RAD54B: variants seen among roughly 807,000 people sequenced by gnomAD.
RAD54B encodes RAD54 homolog B, also known as DNA repair and recombination protein RAD54B.
RAD54B carries 78 observed loss-of-function variants against 95.8 expected under a neutral mutation model. That is an observed-to-expected ratio of 0.81 (90% confidence interval 0.68 to 0.98). The LOEUF is 0.98. Ranked by LOEUF, RAD54B falls within the 50% of genes least tolerant of loss-of-function variation. The pLI, the probability that RAD54B is intolerant of heterozygous loss-of-function variation, is 0.00. For missense variants in RAD54B, 957 were observed against 1,056.6 expected, an observed-to-expected ratio of 0.91 and a Z score of 1.31; for synonymous variants, 328 against 354.9, an observed-to-expected ratio of 0.92 and a Z score of 0.85.
chr8:94,390,725 A>C (rs1810998236), intron 10 of RAD54B, among the ~76,000 whole-genome samples: 1 of 151,828 alleles, frequency 6.6e-6, no homozygotes, highest in African/African-American at 2.4e-5. Context: ...TAAAGCACTT[A>C]GTGATTGGTA....
intron 3 of RAD54B, among the ~76,000 whole-genome samples, chr8:94,433,963 T>G (rs1198028780): frequency 6.6e-6 from 1 of 151,806 alleles, no homozygotes; most frequent in African/African-American, 2.4e-5. Context: ...ATCAGATATT[T>G]ATCTAAGAGA....
At chr8:94,387,286 A>G (rs1344919711) in intron 10 of RAD54B, 127 bp from the exon 11 acceptor site, 8 of 751,668 alleles carry the variant, frequency 1.1e-5, no homozygotes, top group Non-Finnish European at 1.2e-5. Flanking sequence ...AGAAACTGTT[A>G]GGTAAATCTT....
chr8:94,451,681 AC>A (rs901007129), intron 3 of RAD54B, among the ~76,000 whole-genome samples: 2 of 152,282 alleles, frequency 1.3e-5, no homozygotes, highest in African/African-American at 2.4e-5. Flanking sequence ...AAATGTGTAA[AC>A]TAAAACTAAT....
At chr8:94,416,872 C>A (rs1439582748) in intron 3 of RAD54B, among the ~76,000 whole-genome samples, 1 of 152,138 alleles carries the variant, frequency 6.6e-6, no homozygotes, top group Non-Finnish European at 1.5e-5. Flanking sequence ...ACAGCAATTA[C>A]ACTCCTAAGT....
intron 8 of RAD54B, among the ~76,000 whole-genome samples, chr8:94,396,347 G>C (rs1223452233): frequency 2.0e-5 from 3 of 148,860 alleles, no homozygotes; most frequent in Non-Finnish European, 4.5e-5. Context: ...CTGAGAAAAT[G>C]AAAGGACTCT....
intron 3 of RAD54B, chr8:94,429,626 T>G: frequency 1.0e-6 from 1 of 983,892 alleles, no homozygotes; most frequent in Non-Finnish European, 1.2e-6. Context: ...AGAATTATAC[T>G]GGGAAACATT....
intron 8 of RAD54B, among the ~76,000 whole-genome samples, chr8:94,398,296 G>C (rs1811191774): frequency 2.0e-5 from 3 of 152,022 alleles, no homozygotes; most frequent in Non-Finnish European, 4.4e-5. Flanking sequence ...AATCGCTTTT[G>C]ATAATGGTTA....
intron 9 of RAD54B, among the ~76,000 whole-genome samples, chr8:94,393,107 C>T (rs1811061082): frequency 6.6e-6 from 1 of 152,024 alleles, no homozygotes; most frequent in Non-Finnish European, 1.5e-5. Flanking sequence ...CAGGAATGAG[C>T]CACCACACCC....
At chr8:94,400,531 G>T in intron 6 of RAD54B, 68 bp from the exon 7 acceptor site, 1 of 1,299,818 alleles carries the variant, frequency 7.7e-7, no homozygotes, top group Non-Finnish European at 1.1e-6. Flanking sequence ...AAATCATCAA[G>T]AACCAGAAAC....
At chr8:94,435,227 T>C (rs937991847) in intron 3 of RAD54B, among the ~76,000 whole-genome samples, 6 of 152,050 alleles carry the variant, frequency 3.9e-5, no homozygotes, top group Admixed American at 1.3e-4. Context: ...CAGTGAACAT[T>C]TTAACCAGTG....
chr8:94,438,687 T>C (rs1812328922), intron 3 of RAD54B, among the ~76,000 whole-genome samples: 1 of 152,236 alleles, frequency 6.6e-6, no homozygotes, highest in South Asian at 2.1e-4. Context: ...GGTATTATGT[T>C]AAGAATGAAA....
chr8:94,414,055 T>A (rs563872866), intron 3 of RAD54B, among the ~76,000 whole-genome samples: 399 of 152,096 alleles, frequency 2.6e-3, no homozygotes, highest in African/African-American at 9.2e-3. Context: ...AGGCTGGTCT[T>A]GAATTTGTGA....
chr8:94,389,455 C>G (rs1810965392), intron 10 of RAD54B, among the ~76,000 whole-genome samples: 1 of 152,098 alleles, frequency 6.6e-6, no homozygotes, highest in South Asian at 2.1e-4. Context: ...AATAATTGAC[C>G]AATAGATAAT....
At chr8:94,388,902 C>T (rs1810952919) in intron 10 of RAD54B, among the ~76,000 whole-genome samples, 1 of 152,154 alleles carries the variant, frequency 6.6e-6, no homozygotes, top group Non-Finnish European at 1.5e-5. Flanking sequence ...TCTTCAGAAA[C>T]TTGAATATGC....
At chr8:94,454,701 T>C (rs909984959) in intron 3 of RAD54B, among the ~76,000 whole-genome samples, 7 of 152,184 alleles carry the variant, frequency 4.6e-5, no homozygotes, top group African/African-American at 1.4e-4. Context: ...ACTTATACAG[T>C]TGTTTACTTG....
At chr8:94,461,007 T>C (rs1387420338) in intron 2 of RAD54B, among the ~76,000 whole-genome samples, 2 of 152,022 alleles carry the variant, frequency 1.3e-5, no homozygotes, top group Non-Finnish European at 2.9e-5. Context: ...AAGTCTCTTT[T>C]GCCATGTAAA....
intron 3 of RAD54B, among the ~76,000 whole-genome samples, chr8:94,446,609 A>G (rs915781813): frequency 1.3e-5 from 2 of 152,242 alleles, no homozygotes; most frequent in South Asian, 4.1e-4. Flanking sequence ...AAAGAAATTT[A>G]TCTGGCAGGT....
At chr8:94,426,144 G>A (rs1276959554) in intron 3 of RAD54B, among the ~76,000 whole-genome samples, 3 of 151,888 alleles carry the variant, frequency 2.0e-5, no homozygotes, top group Non-Finnish European at 4.4e-5. Context: ...GTAGAGACGG[G>A]GTTTCACCAT....
At chr8:94,413,860 G>T (rs1811589267) in intron 3 of RAD54B, among the ~76,000 whole-genome samples, 1 of 142,266 alleles carries the variant, frequency 7.0e-6, no homozygotes, top group African/African-American at 2.6e-5. Flanking sequence ...TTTTGAGACA[G>T]AGTTTTGCTC....
Sources: allele counts gnomAD v4.1 joint callset (sites outside exome capture counted in the v4.1 genomes callset), GRCh38; gene constraint gnomAD v4.1.1; transcripts MANE v1.5; gene names NCBI Gene and HGNC (gene_info 2026-07-23, HGNC 2026-07-21).